BABAM2: variants seen among roughly 807,000 people sequenced by gnomAD.
BABAM2 encodes the protein BRISC and BRCA1-A complex member 2.
In BABAM2, 31 loss-of-function variants were observed where a neutral mutation model predicts 54.7. The ratio of observed to expected loss-of-function variants is 0.57; its 90% CI spans 0.43 to 0.77. The LOEUF is 0.77. BABAM2 is among the 30% of genes least tolerant of loss of function. BABAM2 has a pLI of 0.00. For missense variants in BABAM2, 364 were observed against 455.8 expected (o/e 0.80, Z 1.83); for synonymous variants, 167 against 162.9 (o/e 1.03, Z -0.19).
chr2:28,111,135 TTTTTTTTTTTTTTTGTA>T (rs1667978126), intron 6 of BABAM2, among the ~76,000 whole-genome samples: 1 of 104,088 alleles, frequency 9.6e-6, no homozygotes, highest in South Asian at 3.3e-4. Context: ...CGCCTGGCTA[TTTTTTTTTTTTTTTGTA>T]TTTTTTTTTT....
chr2:27,916,632 T>G (rs1308081792), intron 2 of BABAM2, among the ~76,000 whole-genome samples: 1 of 152,204 alleles, frequency 6.6e-6, no homozygotes, highest in African/African-American at 2.4e-5. Context: ...CTCTTTCTTC[T>G]TAGAGTTTTC....
chr2:28,324,928 G>A (rs1351411799), intron 11 of BABAM2, among the ~76,000 whole-genome samples: 1 of 152,032 alleles, frequency 6.6e-6, no homozygotes, highest in Non-Finnish European at 1.5e-5. Flanking sequence ...TAATACACAT[G>A]AAAATAAGTA....
rs147189316 is a variant in BABAM2 at position 27,983,511 on chromosome 2, G to A, written c.206-4482G>A. ...CTGCAAAGAGTCCAGCTAGGGCTTT[G>A]GTAGGGATTGCATGGGATCTACAGA... On this transcript the variant is annotated intron_variant, in intron 3 of 11. Transcript: ENST00000379624. Among the ~76,000 whole-genome samples, 963 of 152,204 alleles carry A rather than the reference G, an allele frequency of 6.3e-3. 7 individuals are homozygous for A. The highest frequency in any genetic ancestry group is 7.9e-3 in the Non-Finnish European group (536 of 67,972).
chr2:28,145,194 G>C (rs1192631194), intron 7 of BABAM2, among the ~76,000 whole-genome samples: 2 of 152,146 alleles, frequency 1.3e-5, no homozygotes, highest in African/African-American at 4.8e-5. Flanking sequence ...ATGAAACAAA[G>C]GAGAAAGATG....
At chr2:28,206,375 G>A (rs1025815236) in intron 7 of BABAM2, among the ~76,000 whole-genome samples, 16 of 152,070 alleles carry the variant, frequency 1.1e-4, no homozygotes, top group Admixed American at 9.8e-4. Flanking sequence ...AAAGGGGTGA[G>A]GTACCATGAT....
chr2:28,212,136 T>G (rs1164458711), intron 7 of BABAM2, among the ~76,000 whole-genome samples: 1 of 152,256 alleles, frequency 6.6e-6, no homozygotes, highest in Non-Finnish European at 1.5e-5. Flanking sequence ...GTATTTAACT[T>G]ATTCTATCCT....
intron 4 of BABAM2, among the ~76,000 whole-genome samples, chr2:27,999,005 A>T (rs1004416410): frequency 5.3e-5 from 8 of 152,162 alleles, no homozygotes; most frequent in Non-Finnish European, 2.9e-5. Context: ...ACAGTACAGT[A>T]TATTATCATA....
chr2:28,128,012 C>T (rs1215155443), intron 6 of BABAM2, among the ~76,000 whole-genome samples: 1 of 152,068 alleles, frequency 6.6e-6, no homozygotes, highest in Non-Finnish European at 1.5e-5. Context: ...CCGGGTTTCA[C>T]CGTGTTAGCC....
At chr2:27,897,628 G>C (rs1343073354) in intron 2 of BABAM2, among the ~76,000 whole-genome samples, 3 of 151,796 alleles carry the variant, frequency 2.0e-5, no homozygotes, top group African/African-American at 7.3e-5. Context: ...ATTGGAAAGT[G>C]ACTTTTTAGG....
intron 7 of BABAM2, among the ~76,000 whole-genome samples, chr2:28,213,396 C>A (rs969775719): frequency 6.6e-6 from 1 of 152,002 alleles, no homozygotes; most frequent in Admixed American, 6.6e-5. Flanking sequence ...GTTTGCCTAC[C>A]TTTTTGAGAC....
chr2:27,920,942 A>G (rs1310218884), intron 2 of BABAM2, among the ~76,000 whole-genome samples: 9 of 152,250 alleles, frequency 5.9e-5, no homozygotes, highest in Non-Finnish European at 8.8e-5. Context: ...GTTGTAGAAT[A>G]TCTTCATATA....
At chr2:28,235,615 C>G (rs544706098) in intron 7 of BABAM2, among the ~76,000 whole-genome samples, 1 of 152,234 alleles carries the variant, frequency 6.6e-6, no homozygotes, top group South Asian at 2.1e-4. Context: ...ATCACAAACC[C>G]TAGACTGAGT....
intron 7 of BABAM2, among the ~76,000 whole-genome samples, chr2:28,132,060 G>C (rs1486258039): frequency 1.3e-5 from 2 of 151,798 alleles, no homozygotes; most frequent in Non-Finnish European, 2.9e-5. Context: ...TTAGGGAAGG[G>C]TATATTTTAA....
intron 7 of BABAM2, among the ~76,000 whole-genome samples, chr2:28,148,521 T>C (rs190624686): frequency 6.6e-6 from 1 of 152,226 alleles, no homozygotes. Context: ...GAACCACATT[T>C]TGGGGGACAG....
chr2:27,974,001 A>G (rs992112679), intron 3 of BABAM2, among the ~76,000 whole-genome samples: 1 of 152,228 alleles, frequency 6.6e-6, no homozygotes, highest in Non-Finnish European at 1.5e-5. Context: ...TCAGAAAGAA[A>G]TAGATTATCT....
At chr2:28,108,285 TGTCTC>T (rs1667699702) in intron 6 of BABAM2, among the ~76,000 whole-genome samples, 1 of 152,190 alleles carries the variant, frequency 6.6e-6, no homozygotes. Flanking sequence ...TTTGAGAACT[TGTCTC>T]ATTCAAGTTG....
intron 7 of BABAM2, among the ~76,000 whole-genome samples, chr2:28,154,755 A>C (rs1203364943): frequency 6.6e-6 from 1 of 152,206 alleles, no homozygotes; most frequent in Non-Finnish European, 1.5e-5. Flanking sequence ...ACAGGACAAG[A>C]TACTTGAGAA....
chr2:28,075,528 TTCTCTC>T (rs3056389), intron 6 of BABAM2, among the ~76,000 whole-genome samples: 4 of 150,244 alleles, frequency 2.7e-5, no homozygotes, highest in African/African-American at 4.9e-5. Context: ...CATCACGTTT[TTCTCTC>T]TCTCTCTCTC....
chr2:27,900,802 G>C (rs1489820659), intron 2 of BABAM2, among the ~76,000 whole-genome samples: 1 of 152,128 alleles, frequency 6.6e-6, no homozygotes, highest in Non-Finnish European at 1.5e-5. Context: ...CCAGCACTTT[G>C]GGAGGCCGAG....
Sources: gnomAD v4.1 joint callset for allele counts (sites outside exome capture counted in the v4.1 genomes callset) on GRCh38, gnomAD v4.1.1 for gene constraint, MANE v1.5 for transcripts, NCBI Gene and HGNC (gene_info 2026-07-23, HGNC 2026-07-21) for gene names.